Variants in GM2A observed in about 807,000 individuals in gnomAD.
GM2A encodes GM2 ganglioside activator.
Under a neutral mutation model 12.9 loss-of-function variants are expected in GM2A, and 7 were observed. The ratio of observed to expected loss-of-function variants is 0.54; its 90% confidence interval spans 0.31 to 1.02. The LOEUF is 1.02. GM2A is among the 50% of genes least tolerant of loss of function. The probability of loss-of-function intolerance (pLI) is 0.05; values close to 1 mark genes in which losing one functional copy is unlikely to be tolerated. For synonymous variants in GM2A, 101 were observed against 96.0 expected (o/e 1.05, Z -0.30); for missense variants, 246 against 241.0 (o/e 1.02, Z -0.14).
In GM2A at chr5:151,270,009, T is replaced by G; in HGVS notation, c.*2558T>G. The stretch of plus-strand genomic sequence containing the variant: ...GATCTTCCAGCCTTATTCTCAACAG[T>G]TCATTTTTAGTTCACATTCTTGACC... On this transcript the variant is annotated 3_prime_UTR_variant, in exon 4 of 4. Coordinates refer to ENST00000357164, the MANE Select transcript of GM2A (RefSeq NM_000405.5). 2 of 1,228,466 alleles carry G rather than the reference T, an allele frequency of 1.6e-6. No individual in the cohort carries two copies. The highest frequency in any genetic ancestry group is 2.0e-6 in the Non-Finnish European group (2 of 986,446). The allele number at this position is 1,228,466 out of a possible 1,614,324, so 76.1% of individuals were successfully genotyped here.
chr5:151,270,112 G>T lies in GM2A; in HGVS notation c.*2661G>T, dbSNP rs2127244023. The stretch of plus-strand genomic sequence containing the variant: ...ATGTTCCGTGAGGTTTCTTAGGGGT[G>T]GGGGATGAGGAGTTAAAGGTGGCAT... On this transcript the variant is annotated 3_prime_UTR_variant, in exon 4 of 4. Transcript: ENST00000357164. The T allele has an allele frequency of 2.4e-6, 3 of 1,231,320 alleles. No individual in the cohort carries two copies. Among genetic ancestry groups the T allele is most frequent in the South Asian group, 8.3e-5 (2 of 24,116 alleles). 76.3% of individuals were successfully genotyped at this position (1,231,320 alleles called of 1,614,324 possible).
At chr5:151,253,407 T>G (rs1366154389) in intron 1 of GM2A, 110 bp downstream of exon 1, 2 of 764,568 alleles carry the variant, frequency 2.6e-6, no homozygotes, top group Admixed American at 1.9e-5. Flanking sequence ...GAATTGGTTC[T>G]CTGCACTAGA....
intron 1 of GM2A, 36 bp from the exon 2 acceptor site, chr5:151,259,719 T>C: frequency 6.2e-7 from 1 of 1,605,384 alleles, no homozygotes. Flanking sequence ...TCAACCTTTT[T>C]CTTCTTCTCC....
In GM2A at chr5:151,270,400, T is replaced by A. The variant is rs1753986255; in HGVS notation, c.*2949T>A. The A allele has an allele frequency of 2.5e-6, 1 of 398,504 alleles. No individual in the cohort carries two copies. Among genetic ancestry groups the A allele is most frequent in the East Asian group, 3.6e-5 (1 of 28,064 alleles). 24.7% of individuals were successfully genotyped at this position (398,504 alleles called of 1,614,324 possible). On this transcript the variant is annotated 3_prime_UTR_variant, in exon 4 of 4. Coordinates refer to ENST00000357164, the MANE Select transcript of GM2A (RefSeq NM_000405.5). ...TTAGTAAAAACACAATAAAATCAAA[T>A]GACTGGGAGAAAAATTTATCCAGCC...
intron 2 of GM2A, among the ~76,000 whole-genome samples, chr5:151,266,227 C>T (rs1305897171): frequency 2.0e-5 from 3 of 152,036 alleles, no homozygotes; most frequent in Non-Finnish European, 2.9e-5. Flanking sequence ...GCCTGTAATC[C>T]CAGCACTTTG....
At chr5:151,266,038 A>G (rs977286228) in intron 2 of GM2A, among the ~76,000 whole-genome samples, 1 of 152,226 alleles carries the variant, frequency 6.6e-6, no homozygotes, top group African/African-American at 2.4e-5. Context: ...CTGAAGTCCT[A>G]TGCAGAAAAG....
chr5:151,255,498 T>A (rs987383885), intron 1 of GM2A, among the ~76,000 whole-genome samples: 2 of 152,076 alleles, frequency 1.3e-5, no homozygotes, highest in Non-Finnish European at 2.9e-5. Context: ...CAGGGAGGCT[T>A]GGCTTCTGAT....
At chr5:151,257,305 G>A (rs1240486354) in intron 1 of GM2A, among the ~76,000 whole-genome samples, 2 of 152,046 alleles carry the variant, frequency 1.3e-5, no homozygotes, top group Non-Finnish European at 2.9e-5. Context: ...AGCTAGCCGG[G>A]CATTACCCTC....
chr5:151,259,764 C>G lies in GM2A; in HGVS notation c.91C>G (p.Leu31Val), dbSNP rs1582070389. ...AQAHLKKPSQ[L>V]SSFSWDNCDE... ...GCCTGATTGTCCCCAGCCATCCCAG[C>G]TCAGTAGCTTTTCCTGGGATAACTG... Residue 31 changes from leucine (L) to valine (V), a missense_variant, in exon 2 of 4, where the codon CTC (leucine) becomes GTC (valine). By Grantham distance (32) the Leu-to-Val change is conservative (BLOSUM62 1). Transcript: ENST00000357164. 1 of 1,613,760 alleles carries G rather than the reference C, an allele frequency of 6.2e-7. No individual in the cohort carries two copies. Among genetic ancestry groups the G allele is most frequent in the Non-Finnish European group, 8.5e-7 (1 of 1,179,668 alleles).
At chr5:151,257,013 T>A (rs1414039942) in intron 1 of GM2A, among the ~76,000 whole-genome samples, 1 of 152,192 alleles carries the variant, frequency 6.6e-6, no homozygotes, top group Non-Finnish European at 1.5e-5. Context: ...GTCCACATAA[T>A]AAATGAGGAA....
At chr5:151,253,372 ATGGGGGTGGCCACTCCGTT>A (rs1432916548) in intron 1 of GM2A, 75 bp downstream of exon 1, 1 of 1,052,738 alleles carries the variant, frequency 9.5e-7, no homozygotes, top group Admixed American at 1.7e-5. Context: ...TGGCTGAGAT[ATGGGGGTGGCCACTCCGTT>A]CTCTAGAATT....
Position 151,263,979 on chromosome 5 carries a change from T to C in GM2A, c.244-2752T>C, listed in dbSNP as rs944269402. 2.6e-5 allele frequency among the ~76,000 whole-genome samples: 4 copies of C among 152,268 alleles called. No individual in the cohort carries two copies. The South Asian group carries it at 6.2e-4, about 24-fold the overall frequency. On this transcript the variant is annotated intron_variant, in intron 2 of 3. Coordinates refer to ENST00000357164, the MANE Select transcript of GM2A (RefSeq NM_000405.5). ...GGCCGTGGGTAAGACTGGGGCCTGC[T>C]CAGGAGCTCCCTTTTCTCTTTTGAC... is the stretch of plus-strand genomic sequence containing the variant.
chr5:151,267,018 T>C (rs1753900547), intron 3 of GM2A, 105 bp downstream of exon 3: 1 of 1,023,232 alleles, frequency 9.8e-7, no homozygotes, highest in African/African-American at 1.6e-5. Flanking sequence ...TGTCTCTGGA[T>C]TTGTAAGCCA....
rs138872664 is a variant in GM2A, at chr5:151,258,224, G to A, written c.82-1531G>A. 3.5e-4 allele frequency among the ~76,000 whole-genome samples: 54 copies of A among 152,350 alleles called. No individual in the cohort carries two copies. The East Asian group carries it at 9.7e-3, about 27-fold the overall frequency. On this transcript the variant is annotated intron_variant, in intron 1 of 3. Coordinates refer to ENST00000357164, the MANE Select transcript of GM2A (RefSeq NM_000405.5). ...CTGCAAGACATCCCATGGAGCTGCC[G>A]GCAGGAAGCGGAGGCTAGGACGCTA...
intron 1 of GM2A, among the ~76,000 whole-genome samples, chr5:151,253,828 C>G (rs964735235): frequency 1.2e-4 from 18 of 152,190 alleles, no homozygotes; most frequent in Admixed American, 9.8e-4. Context: ...AGACAACAGT[C>G]CCCGTACCCT....
In GM2A at chr5:151,259,918, TGA is replaced by T; in HGVS notation, c.243+4_243+5del. On this transcript the variant is annotated splice_donor_region_variant and intron_variant, in intron 2 of 3. Coordinates refer to ENST00000357164, the MANE Select transcript of GM2A (RefSeq NM_000405.5). Reference sequence around the variant, plus strand: ...GTCCCCCTGAGTTCTCCTCTGAAGGTGAGCCTGGGGGTGGGTGGAGAAGGGGA... The same window carrying T: ...GTCCCCCTGAGTTCTCCTCTGAAGGTGCCTGGGGGTGGGTGGAGAAGGGGA... 6.2e-7 allele frequency: 1 copy of T among 1,612,484 alleles called. No individual in the cohort carries two copies. The highest frequency in any genetic ancestry group is 1.3e-5 in the African/African-American group (1 of 74,954).
At chr5:151,253,401 T>G in intron 1 of GM2A, 104 bp downstream of exon 1, 1 of 793,272 alleles carries the variant, frequency 1.3e-6, no homozygotes. Context: ...TCTCTAGAAT[T>G]GGTTCTCTGC....
Position 151,253,223 on chromosome 5 carries a change from T to C in GM2A, c.7T>C (p.Ser3Pro), listed in dbSNP as rs1753620386. The change falls in exon 1 of 4, where the codon TCC (serine) becomes CCC (proline). Residue 3 changes from serine (S) to proline (P), a missense_variant. By Grantham distance (74) the Ser-to-Pro change is moderately conservative. Coordinates refer to ENST00000357164, the MANE Select transcript of GM2A (RefSeq NM_000405.5). Reference sequence around the variant, plus strand: ...CCCTGACCCACCCTTCCCGATGCAGTCCCTGATGCAGGCTCCCCTCCTGAT... The same window carrying C: ...CCCTGACCCACCCTTCCCGATGCAGCCCCTGATGCAGGCTCCCCTCCTGAT... MQ[S>P]LMQAPLLIAL... is the part of the protein sequence containing the mutation. The C allele has an allele frequency of 6.2e-7, 1 of 1,613,732 alleles. No homozygotes were observed. The highest frequency in any genetic ancestry group is 1.3e-5 in the African/African-American group (1 of 75,022).
In GM2A at chr5:151,259,972, A is replaced by G. The variant is rs1753765825; in HGVS notation, c.243+56A>G. On this transcript the variant is annotated intron_variant, in intron 2 of 3. Coordinates refer to ENST00000357164, the MANE Select transcript of GM2A (RefSeq NM_000405.5). ...GTGCGAGGGTCTGGCCAGCAGGGGT[A>G]CTGGGGCATGTATGCTTGGGGAACT... 4.4e-6 allele frequency: 6 copies of G among 1,377,170 alleles called. No individual in the cohort carries two copies. The East Asian group carries it at 1.4e-4, about 32-fold the overall frequency. The allele number at this position is 1,377,170 out of a possible 1,614,324, so 85.3% of individuals were successfully genotyped here.
Sources: allele counts gnomAD v4.1 joint callset (sites outside exome capture counted in the v4.1 genomes callset), GRCh38; gene constraint gnomAD v4.1.1; transcripts MANE v1.5; gene names NCBI Gene and HGNC (gene_info 2026-07-23, HGNC 2026-07-21).